PTPRK: variants seen among roughly 807,000 people sequenced by gnomAD.
PTPRK encodes protein tyrosine phosphatase receptor type K.
A neutral mutation model predicts 178.0 loss-of-function variants in PTPRK; 75 were observed. The ratio of observed to expected loss-of-function variants is 0.42; its 90% confidence interval spans 0.35 to 0.51. The LOEUF (loss-of-function observed/expected upper bound fraction) is 0.51, where lower values mean the gene tolerates loss of function less well. PTPRK is among the 20% of genes least tolerant of loss of function. PTPRK has a pLI of 0.02. For synonymous variants in PTPRK, 637 were observed against 620.6 expected (o/e 1.03, Z -0.39); for missense variants, 1,441 against 1,797.8 (o/e 0.80, Z 3.59).
rs143440286 is a variant in PTPRK, at chr6:128,275,009, GA to G, written c.496-32408del. ...GTTATGCTCCTGTTTCCAAAGAGAA[GA>G]AAAAAATAAATCTGTGCGATTGCAA... On this transcript the variant is annotated intron_variant, in intron 3 of 29. Coordinates refer to ENST00000368226, the MANE Select transcript of PTPRK (RefSeq NM_002844.4). Among the ~76,000 whole-genome samples, 955 of 151,960 alleles carry G rather than the reference GA, an allele frequency of 6.3e-3. 11 individuals are homozygous for G. Among genetic ancestry groups the G allele is most frequent in the African/African-American group, 0.022 (904 of 41,500 alleles).
intron 1 of PTPRK, among the ~76,000 whole-genome samples, chr6:128,428,487 C>T (rs1190113294): frequency 6.6e-6 from 1 of 152,188 alleles, no homozygotes; most frequent in African/African-American, 2.4e-5. Context: ...CTACGTTCCA[C>T]AAGCAATGGC....
chr6:127,980,254 G>C (rs1023004614), intron 25 of PTPRK, among the ~76,000 whole-genome samples: 2 of 152,214 alleles, frequency 1.3e-5, no homozygotes, highest in Non-Finnish European at 2.9e-5. Flanking sequence ...AGGTTGCAGT[G>C]AGCCGAGATT....
At chr6:128,231,207 T>C (rs190664137) in intron 5 of PTPRK, among the ~76,000 whole-genome samples, 2 of 152,310 alleles carry the variant, frequency 1.3e-5, no homozygotes, top group East Asian at 3.9e-4. Flanking sequence ...GAATTCTTTA[T>C]ATAAAGCTAT....
At chr6:128,020,105 A>G (rs537470105) in intron 13 of PTPRK, among the ~76,000 whole-genome samples, 20 of 152,296 alleles carry the variant, frequency 1.3e-4, no homozygotes, top group African/African-American at 4.6e-4. Context: ...AAAAAAAGAA[A>G]TACCCTGGAA....
At chr6:128,332,615 G>A (rs536086987) in intron 2 of PTPRK, among the ~76,000 whole-genome samples, 3 of 152,264 alleles carry the variant, frequency 2.0e-5, no homozygotes, top group South Asian at 2.1e-4. Flanking sequence ...GAATACTTTC[G>A]AAGTTTAAAA....
At chr6:128,281,311 A>G (rs1349948269) in intron 3 of PTPRK, among the ~76,000 whole-genome samples, 2 of 152,188 alleles carry the variant, frequency 1.3e-5, no homozygotes, top group East Asian at 1.9e-4. Context: ...AATGGTAAAG[A>G]AAACAATTTT....
chr6:127,973,369 T>C (rs1054335102), intron 28 of PTPRK, among the ~76,000 whole-genome samples: 1 of 152,248 alleles, frequency 6.6e-6, no homozygotes, highest in Admixed American at 6.5e-5. Context: ...GCTATAGGCA[T>C]AGATTGCTGC....
At chr6:128,331,826 G>C (rs910561071) in intron 2 of PTPRK, among the ~76,000 whole-genome samples, 1 of 152,112 alleles carries the variant, frequency 6.6e-6, no homozygotes, top group Non-Finnish European at 1.5e-5. Context: ...TAGTATCCGT[G>C]ACATGTCCCT....
At chr6:128,466,031 C>G (rs1024797158) in intron 1 of PTPRK, among the ~76,000 whole-genome samples, 8 of 152,160 alleles carry the variant, frequency 5.3e-5, no homozygotes, top group African/African-American at 1.9e-4. Context: ...GGACCCTCTT[C>G]TGAATTTGGG....
intron 1 of PTPRK, chr6:128,500,741 G>A (rs1395594386): frequency 6.6e-6 from 1 of 152,162 alleles, no homozygotes; most frequent in Non-Finnish European, 1.5e-5. Flanking sequence ...AGGAGAAAGA[G>A]TACTAACTGA....
intron 7 of PTPRK, among the ~76,000 whole-genome samples, chr6:128,140,511 G>C (rs1795624540): frequency 6.6e-6 from 1 of 151,814 alleles, no homozygotes; most frequent in Non-Finnish European, 1.5e-5. Flanking sequence ...CCTGATTCTT[G>C]CAACAAAATT....
chr6:128,445,286 TAGTATA>T (rs1443085218), intron 1 of PTPRK, among the ~76,000 whole-genome samples: 3 of 138,050 alleles, frequency 2.2e-5, no homozygotes, highest in African/African-American at 5.7e-5. Context: ...CTATATATAA[TAGTATA>T]TTATATAAAT....
chr6:128,057,719 T>C (rs1389255234), intron 13 of PTPRK, among the ~76,000 whole-genome samples: 1 of 152,150 alleles, frequency 6.6e-6, no homozygotes, highest in African/African-American at 2.4e-5. Context: ...TTCACTGTAA[T>C]AAGTCGTAGC....
At chr6:128,311,273 A>G (rs1011018297) in intron 3 of PTPRK, among the ~76,000 whole-genome samples, 52 of 152,154 alleles carry the variant, frequency 3.4e-4, no homozygotes, top group Non-Finnish European at 6.6e-4. Flanking sequence ...TGAATCGTAC[A>G]GTGTGTGGAT....
At chr6:128,503,653 A>G (rs1377040766) in intron 1 of PTPRK, among the ~76,000 whole-genome samples, 1 of 152,128 alleles carries the variant, frequency 6.6e-6, no homozygotes, top group East Asian at 1.9e-4. Context: ...AAATGAAGAG[A>G]CCCTAGCTCA....
At chr6:128,353,681 G>A (rs140969659) in intron 2 of PTPRK, among the ~76,000 whole-genome samples, 6 of 152,262 alleles carry the variant, frequency 3.9e-5, no homozygotes, top group Non-Finnish European at 7.3e-5. Context: ...AAATTGTGAC[G>A]TTACAGAGGA....
chr6:128,193,647 G>A (rs1436037880), intron 6 of PTPRK, among the ~76,000 whole-genome samples: 2 of 152,130 alleles, frequency 1.3e-5, no homozygotes, highest in Non-Finnish European at 2.9e-5. Flanking sequence ...AGTATTTAAT[G>A]TCTATGACAT....
chr6:127,970,036 A>C lies in PTPRK; in HGVS notation c.*191T>G. ...TGAAATGTTGATGCTTTAATATAGT[A>C]ATAAAAACTAATTCAGTCCTTTTTA... On this transcript the variant is annotated 3_prime_UTR_variant, in exon 30 of 30. Coordinates refer to ENST00000368226, the MANE Select transcript of PTPRK (RefSeq NM_002844.4). 1 of 486,082 alleles carries C rather than the reference A, an allele frequency of 2.1e-6. No individual in the cohort carries two copies. The allele number at this position is 486,082 out of a possible 1,614,324, so 30.1% of individuals were successfully genotyped here. A position where few individuals can be genotyped will look rare whatever the true frequency, so the allele number is the denominator to read the frequency against.
intron 7 of PTPRK, among the ~76,000 whole-genome samples, chr6:128,157,154 T>A (rs1305379691): frequency 6.6e-6 from 1 of 152,030 alleles, no homozygotes; most frequent in Non-Finnish European, 1.5e-5. Flanking sequence ...GGGAGACTAA[T>A]GTGTCTGATC....
Sources: gnomAD v4.1 joint callset for allele counts (sites outside exome capture counted in the v4.1 genomes callset) on GRCh38, gnomAD v4.1.1 for gene constraint, MANE v1.5 for transcripts, NCBI Gene and HGNC (gene_info 2026-07-23, HGNC 2026-07-21) for gene names.